ITGA11: variants seen among roughly 807,000 people sequenced by gnomAD.
ITGA11 encodes integrin alpha-11.
A neutral mutation model predicts 141.9 loss-of-function variants in ITGA11; 97 were observed. The observed-to-expected ratio is 0.68, with a 90% CI of 0.58 to 0.81. ITGA11 has a LOEUF of 0.81. Ranked by LOEUF, ITGA11 falls within the 30% of genes least tolerant of loss-of-function variation. The probability of loss-of-function intolerance (pLI) is 0.00; values close to 1 mark genes in which losing one functional copy is unlikely to be tolerated. For missense variants in ITGA11, 1,387 were observed against 1,559.2 expected (o/e 0.89, Z 1.86); for synonymous variants, 658 against 624.6 (o/e 1.05, Z -0.80).
chr15:68,334,839 C>A (rs1894293984), intron 12 of ITGA11, among the ~76,000 whole-genome samples: 1 of 152,156 alleles, frequency 6.6e-6, no homozygotes, highest in Non-Finnish European at 1.5e-5. Flanking sequence ...GCCCTCGATT[C>A]CCAAAAGAGC....
rs1893853925 is a variant in ITGA11, at chr15:68,322,841, G to GAACCCC, written c.2323-1339_2323-1338insGGGGTT. 7.0e-6 allele frequency among the ~76,000 whole-genome samples: 1 copy of GAACCCC among 143,774 alleles called. No homozygotes were observed. The highest frequency in any genetic ancestry group is 7.3e-5 in the Admixed American group (1 of 13,786). 94.3% of individuals were successfully genotyped at this position (143,774 alleles called of 152,430 possible). On this transcript the variant is annotated intron_variant, in intron 18 of 29. Transcript: ENST00000315757. The surrounding 1 kb of genome is among the most constrained non-coding windows in gnomAD (Gnocchi z 5.6). ...CCACTACACTCCAACCTGGGTGACA[G>GAACCCC]AGGGAGATACCATTTCAAAAAAAAA... is the stretch of plus-strand genomic sequence containing the variant.
intron 23 of ITGA11, among the ~76,000 whole-genome samples, chr15:68,313,174 G>A (rs1039936173): frequency 6.6e-6 from 1 of 152,162 alleles, no homozygotes. Context: ...ATGCCACTGT[G>A]CTCCCTTCCA....
intron 18 of ITGA11, among the ~76,000 whole-genome samples, chr15:68,323,182 C>T (rs1225908500): frequency 6.6e-6 from 1 of 152,208 alleles, no homozygotes. Flanking sequence ...CAAGGTGGAC[C>T]TGCCGACTGC....
At chr15:68,416,958 A>G (rs1320228952) in intron 1 of ITGA11, among the ~76,000 whole-genome samples, 2 of 152,164 alleles carry the variant, frequency 1.3e-5, no homozygotes, top group African/African-American at 4.8e-5. Context: ...TATGAAAACT[A>G]GTGTATTTTT....
intron 11 of ITGA11, among the ~76,000 whole-genome samples, chr15:68,337,618 C>A (rs1010038501): frequency 6.6e-6 from 1 of 152,132 alleles, no homozygotes; most frequent in South Asian, 2.1e-4. Context: ...TGTCCATCAG[C>A]CAAGCTCTAC....
intron 2 of ITGA11, among the ~76,000 whole-genome samples, chr15:68,375,497 G>T (rs1895705751): frequency 6.6e-6 from 1 of 152,218 alleles, no homozygotes; most frequent in Admixed American, 6.5e-5. Flanking sequence ...CCCCGGGGCT[G>T]CCCTGGCTGG....
intron 16 of ITGA11, among the ~76,000 whole-genome samples, chr15:68,327,513 G>A (rs1595860809): frequency 1.3e-5 from 2 of 152,294 alleles, no homozygotes; most frequent in Admixed American, 6.5e-5. Flanking sequence ...GAGACTCCCT[G>A]AGTCCCTGTT....
rs374527350 is a variant in ITGA11, at chr15:68,402,920, C to G, written c.162G>C (p.Lys54Asn). 24 of 1,611,070 alleles carry G rather than the reference C, an allele frequency of 1.5e-5. 1 individual carries two copies. In the African/African-American group the frequency reaches 3.2e-4, roughly 22 times the overall value. ...TGTGGGCGGCCGCTCTCACTCACCACTTATTGCCACTGATGTCGTGCTGCT... is the reference window on the plus strand; with the variant it reads ...TGTGGGCGGCCGCTCTCACTCACCAGTTATTGCCACTGATGTCGTGCTGCT... ...TVQQHDISGN[K>N]WLVVGAPLET... The change falls in exon 2 of 30, where the codon AAG (lysine) becomes AAC (asparagine). Residue 54 changes from lysine to asparagine, a missense_variant and splice_region_variant. Coordinates refer to ENST00000315757, the MANE Select transcript of ITGA11 (RefSeq NM_001004439.2).
chr15:68,315,929 C>T (rs1477272807), intron 21 of ITGA11, among the ~76,000 whole-genome samples: 2 of 152,186 alleles, frequency 1.3e-5, no homozygotes, highest in Non-Finnish European at 2.9e-5. Flanking sequence ...TGTGGGGACA[C>T]AGCCAAAGAC....
chr15:68,342,814 C>T (rs904216829), intron 10 of ITGA11, among the ~76,000 whole-genome samples: 1 of 152,174 alleles, frequency 6.6e-6, no homozygotes, highest in Non-Finnish European at 1.5e-5. Context: ...AGAGATGCTG[C>T]TAACCATCCT....
intron 1 of ITGA11, among the ~76,000 whole-genome samples, chr15:68,404,437 C>A (rs1896592054): frequency 6.6e-6 from 1 of 152,160 alleles, no homozygotes; most frequent in Admixed American, 6.5e-5. Context: ...TGGCAGGAAG[C>A]CTGTGTTAAG....
chr15:68,327,777 T>C (rs1894027170), intron 16 of ITGA11, among the ~76,000 whole-genome samples: 1 of 111,632 alleles, frequency 9.0e-6, no homozygotes, highest in Non-Finnish European at 2.0e-5. Flanking sequence ...GGCAGACTTC[T>C]GGGCTTCCAC....
chr15:68,401,910 A>G (rs572815208), intron 2 of ITGA11, among the ~76,000 whole-genome samples: 1 of 152,316 alleles, frequency 6.6e-6, no homozygotes, highest in Admixed American at 6.5e-5. Flanking sequence ...AGAATTAGCC[A>G]GATGGTGGTG....
At chr15:68,317,561 T>C (rs1595855405) in intron 20 of ITGA11, among the ~76,000 whole-genome samples, 198 bp from the exon 21 acceptor site, 1 of 152,116 alleles carries the variant, frequency 6.6e-6, no homozygotes, top group African/African-American at 2.4e-5. Context: ...TCTTGGTTCC[T>C]GGTACTTGGC....
At chr15:68,385,206 A>G (rs1895955611) in intron 2 of ITGA11, among the ~76,000 whole-genome samples, 1 of 152,246 alleles carries the variant, frequency 6.6e-6, no homozygotes, top group Non-Finnish European at 1.5e-5. Flanking sequence ...CCAAGCTGGG[A>G]AGGGAGCTCA....
In ITGA11 at chr15:68,317,352, G is replaced by A. The variant is rs763092379; in HGVS notation, c.2628C>T (p.Asp876=). 27 of 1,611,822 alleles carry A rather than the reference G, an allele frequency of 1.7e-5. No homozygotes were observed. Among genetic ancestry groups the A allele is most frequent in the East Asian group, 4.5e-5 (2 of 44,870 alleles). Residue 876 remains aspartate (D), a synonymous_variant, in exon 21 of 30, where the codon GAC becomes GAT. Transcript: ENST00000315757. ...FASLIQKEDS[D]GSIECVNEER... is the part of the protein sequence containing the mutation. ...CCTCGTTCACACACTCAATGCTACC[G>A]TCTGAGTCCTCCTGGAGGTGGGTGG... is the stretch of plus-strand genomic sequence containing the variant.
Position 68,308,761 on chromosome 15 carries a change from G to GAAAAGAAAATA in ITGA11, c.3175-1066_3175-1065insTATTTTCTTTT, listed in dbSNP as rs111776164. Among the ~76,000 whole-genome samples, 3 of 137,670 alleles carry GAAAAGAAAATA rather than the reference G, an allele frequency of 2.2e-5. No individual in the cohort carries two copies. The highest frequency in any genetic ancestry group is 4.6e-5 in the Non-Finnish European group (3 of 64,830). 90.3% of individuals were successfully genotyped at this position (137,670 alleles called of 152,430 possible). A position where few individuals can be genotyped will look rare whatever the true frequency, so the allele number is the denominator to read the frequency against. ...TGTCTCAAAAGAAAAGAAAAGAAAAGAAAGAAAAGAAAAGAAAAGAAAAGG... is the reference window on the plus strand; with the variant it reads ...TGTCTCAAAAGAAAAGAAAAGAAAAGAAAAGAAAATAAAAGAAAAGAAAAGAAAAGAAAAGG... On this transcript the variant is annotated intron_variant, in intron 26 of 29. Coordinates refer to ENST00000315757, the MANE Select transcript of ITGA11 (RefSeq NM_001004439.2). The surrounding 1 kb of genome is among the most constrained non-coding windows in gnomAD (Gnocchi z 5.2).
At chr15:68,343,283 T>A (rs531936669) in intron 10 of ITGA11, among the ~76,000 whole-genome samples, 1 of 152,182 alleles carries the variant, frequency 6.6e-6, no homozygotes, top group African/African-American at 2.4e-5. Context: ...ATTTTGGCAG[T>A]CCCAGGAGCA....
intron 2 of ITGA11, among the ~76,000 whole-genome samples, chr15:68,386,678 C>T (rs1895992751): frequency 6.6e-6 from 1 of 152,232 alleles, no homozygotes. Flanking sequence ...TTCTCTCCTG[C>T]TCCACCAGGA....
Sources: allele counts gnomAD v4.1 joint callset (sites outside exome capture counted in the v4.1 genomes callset), GRCh38; gene constraint gnomAD v4.1.1; non-coding constraint Gnocchi (gnomAD v3.1); transcripts MANE v1.5; gene names NCBI Gene and HGNC (gene_info 2026-07-23, HGNC 2026-07-21).